The following IGF2BP1 variants were observed in gnomAD, a reference collection of about 807,000 sequenced individuals.
The protein encoded by IGF2BP1 is insulin-like growth factor 2 mRNA-binding protein 1.
IGF2BP1 carries 11 observed loss-of-function variants against 74.9 expected under a neutral mutation model. The observed-to-expected ratio is 0.15, with a 90% CI of 0.09 to 0.24. The LOEUF (loss-of-function observed/expected upper bound fraction) is 0.24. Ranked by LOEUF, IGF2BP1 falls within the 10% of genes least tolerant of loss-of-function variation. The pLI is 1.00. For synonymous variants in IGF2BP1, 287 were observed against 281.8 expected (o/e 1.02, Z -0.18); for missense variants, 440 against 757.4 (o/e 0.58, Z 4.92).
intron 2 of IGF2BP1, among the ~76,000 whole-genome samples, chr17:49,019,940 A>T (rs372500797): frequency 2.4e-4 from 12 of 49,886 alleles, no homozygotes; most frequent in African/African-American, 8.4e-4. Flanking sequence ...ATATATATAT[A>T]TATATATATT....
chr17:49,039,321 A>G (rs2042023421), intron 6 of IGF2BP1, among the ~76,000 whole-genome samples: 1 of 152,188 alleles, frequency 6.6e-6, no homozygotes, highest in Non-Finnish European at 1.5e-5. Context: ...GGACATACGG[A>G]ATTCAAGCGG....
rs2042203767 is a variant in IGF2BP1 at position 49,054,555 on chromosome 17, C to T, written c.*5111C>T. 1 of 152,454 alleles carries T rather than the reference C, an allele frequency of 6.6e-6. No homozygotes were observed. Among genetic ancestry groups the T allele is most frequent in the Admixed American group, 6.5e-5 (1 of 15,290 alleles). The allele number at this position is 152,454 out of a possible 1,614,324, so 9.4% of individuals were successfully genotyped here. A position where few individuals can be genotyped will look rare whatever the true frequency, so the allele number is the denominator to read the frequency against. On this transcript the variant is annotated 3_prime_UTR_variant, in exon 15 of 15. Coordinates refer to ENST00000290341, the MANE Select transcript of IGF2BP1 (RefSeq NM_006546.4). ...GGGCTGGCCATGAGGTCCCCACTTT[C>T]TGCTTTCCTTGCCCATGTGTCACCC...
chr17:49,041,274 T>C, intron 7 of IGF2BP1, 104 bp from the exon 8 acceptor site: 1 of 1,286,782 alleles, frequency 7.8e-7, no homozygotes, highest in Non-Finnish European at 1.1e-6. Flanking sequence ...TTTGAGATGT[T>C]TTACTTGGAA....
intron 2 of IGF2BP1, among the ~76,000 whole-genome samples, chr17:49,019,980 A>C (rs2041769632): frequency 3.1e-5 from 2 of 64,028 alleles, no homozygotes; most frequent in African/African-American, 1.9e-4. Flanking sequence ...ACACACATAC[A>C]CCCACACATA....
intron 5 of IGF2BP1, chr17:49,037,172 C>T: frequency 2.2e-6 from 1 of 461,704 alleles, no homozygotes; most frequent in South Asian, 1.9e-5. Flanking sequence ...ATGTTTGGAT[C>T]CCTAAAATAA....
chr17:49,027,403 CTT>C (rs996007050), intron 4 of IGF2BP1, among the ~76,000 whole-genome samples: 1 of 152,152 alleles, frequency 6.6e-6, no homozygotes, highest in African/African-American at 2.4e-5. Flanking sequence ...CCGGTTGTCT[CTT>C]TTTAGAAGCT....
At chr17:49,039,858 G>C in intron 6 of IGF2BP1, 99 bp from the exon 7 acceptor site, 2 of 1,295,886 alleles carry the variant, frequency 1.5e-6, no homozygotes, top group Non-Finnish European at 2.2e-6. Context: ...AAGAAGAGCA[G>C]GTTCTATGCC....
chr17:49,038,568 T>G (rs4793606), intron 6 of IGF2BP1, 119 bp downstream of exon 6: 18,439 of 1,102,482 alleles, frequency 0.017, 206 homozygotes, highest in Middle Eastern at 0.039. Context: ...AAATGTTGCC[T>G]GGAGCATTCA....
In IGF2BP1 at chr17:49,050,348, T is replaced by TA. The variant is rs1277611577; in HGVS notation, c.*907dup. The TA allele has an allele frequency of 6.6e-6, 1 of 152,618 alleles. No homozygotes were observed. Among genetic ancestry groups the TA allele is most frequent in the Non-Finnish European group, 1.5e-5 (1 of 68,048 alleles). 9.5% of individuals were successfully genotyped at this position (152,618 alleles called of 1,614,324 possible). On this transcript the variant is annotated 3_prime_UTR_variant, in exon 15 of 15. Transcript: ENST00000290341. ...TTCTCAGGCGGATTTTATATTTTTT[T>TA]AAAGTCTATTTTAATGATTGGATAT... is the stretch of plus-strand genomic sequence containing the variant.
At chr17:49,014,960 C>T (rs983305076) in intron 2 of IGF2BP1, 17 of 984,344 alleles carry the variant, frequency 1.7e-5, no homozygotes, top group Non-Finnish European at 2.1e-5. Context: ...TTTCAAGGTA[C>T]CTCTCATGAC....
chr17:49,009,480 C>T (rs1020355963), intron 2 of IGF2BP1, among the ~76,000 whole-genome samples: 9 of 151,066 alleles, frequency 6.0e-5, no homozygotes, highest in Admixed American at 3.3e-4. Context: ...GAGGCCAAGG[C>T]GGGCAGATCA....
At chr17:49,018,750 G>T (rs947587431) in intron 2 of IGF2BP1, among the ~76,000 whole-genome samples, 5 of 151,992 alleles carry the variant, frequency 3.3e-5, no homozygotes, top group African/African-American at 1.2e-4. Context: ...AGGTAGACAG[G>T]GTTGATCCCT....
Position 49,042,356 on chromosome 17 carries a change from G to A in IGF2BP1, c.1056G>A (p.Glu352=). Reference sequence around the variant, plus strand: ...TGAAGAAAGTTCGGGAGGCCTATGAGAATGATGTGGCTGCCATGAGCGTGA... The same window carrying A: ...TGAAGAAAGTTCGGGAGGCCTATGAAAATGATGTGGCTGCCATGAGCGTGA... ...EIMKKVREAY[E]NDVAAMSLQS... Residue 352 remains glutamate (E), a synonymous_variant, in exon 9 of 15, where the codon GAG becomes GAA. Coordinates refer to ENST00000290341, the MANE Select transcript of IGF2BP1 (RefSeq NM_006546.4). 1.2e-6 allele frequency: 2 copies of A among 1,614,114 alleles called. No homozygotes were observed. Among genetic ancestry groups the A allele is most frequent in the Non-Finnish European group, 1.7e-6 (2 of 1,180,026 alleles).
chr17:49,013,434 C>G (rs1292699330), intron 2 of IGF2BP1: 1 of 152,504 alleles, frequency 6.6e-6, no homozygotes, highest in Non-Finnish European at 1.5e-5. Context: ...GTCCCGCCTC[C>G]TCCCGCGGCC....
chr17:49,036,032 AACTT>A (rs2041983483), intron 5 of IGF2BP1, among the ~76,000 whole-genome samples: 1 of 151,878 alleles, frequency 6.6e-6, no homozygotes, highest in Non-Finnish European at 1.5e-5. Flanking sequence ...CCATTTTACT[AACTT>A]AATCCTCACG....
At position 49,011,904 on chromosome 17, in the gene IGF2BP1, AT is replaced by A. The variant is rs68074534; in HGVS notation, c.236+12754del. ...TATCTTGAGTGGTTGAAGAAAATTG[AT>A]TTTTTTTTTTTTTTTTTTGGGAGAT... On this transcript the variant is annotated intron_variant, in intron 2 of 14. Transcript: ENST00000290341. Among the ~76,000 whole-genome samples, 344 of 124,606 alleles carry A rather than the reference AT, an allele frequency of 2.8e-3. 1 individual carries two copies. The highest frequency in any genetic ancestry group is 7.6e-3 in the East Asian group (33 of 4,358). 81.7% of individuals were successfully genotyped at this position (124,606 alleles called of 152,430 possible).
At chr17:48,996,977 C>T (rs1395020455), upstream of IGF2BP1, among the ~76,000 whole-genome samples, 2 of 152,188 alleles carry the variant, frequency 1.3e-5, no homozygotes, top group Non-Finnish European at 2.9e-5. Context: ...TTGTCTGTCT[C>T]GGCCGTCCCC....
chr17:49,005,445 G>A (rs1486811660), intron 2 of IGF2BP1, among the ~76,000 whole-genome samples: 1 of 152,224 alleles, frequency 6.6e-6, no homozygotes, highest in Non-Finnish European at 1.5e-5. Flanking sequence ...TGAGTGGATT[G>A]TGCAGATATT....
At chr17:49,011,020 C>G (rs2041610595) in intron 2 of IGF2BP1, among the ~76,000 whole-genome samples, 1 of 151,238 alleles carries the variant, frequency 6.6e-6, no homozygotes, top group Admixed American at 6.6e-5. Context: ...ACCTGTAATC[C>G]CAGCTTCTCG....
Sources: allele counts gnomAD v4.1 joint callset (sites outside exome capture counted in the v4.1 genomes callset), GRCh38; gene constraint gnomAD v4.1.1; transcripts MANE v1.5; gene names NCBI Gene and HGNC (gene_info 2026-07-23, HGNC 2026-07-21).